The following KIFAP3 variants were observed in gnomAD, a reference collection of about 807,000 sequenced individuals.
KIFAP3 encodes the protein kinesin-associated protein 3.
A neutral mutation model predicts 106.5 loss-of-function variants in KIFAP3; 68 were observed. That is an observed-to-expected ratio of 0.64 (90% CI 0.53 to 0.78). KIFAP3 has a LOEUF of 0.78. KIFAP3 is among the 30% of genes least tolerant of loss of function. The pLI is 0.00. For synonymous variants in KIFAP3, 320 were observed against 311.5 expected (o/e 1.03, Z -0.29); for missense variants, 780 against 941.8 (o/e 0.83, Z 2.25).
intron 1 of KIFAP3, among the ~76,000 whole-genome samples, chr1:170,055,704 A>C (rs1670813024): frequency 2.0e-5 from 3 of 152,208 alleles, no homozygotes; most frequent in African/African-American, 4.8e-5. Flanking sequence ...AAGAAAAAAA[A>C]TACATTTACC....
chr1:169,978,521 G>T (rs1242325396), intron 15 of KIFAP3, among the ~76,000 whole-genome samples: 1 of 151,706 alleles, frequency 6.6e-6, no homozygotes, highest in Non-Finnish European at 1.5e-5. Context: ...ATCATAAAAA[G>T]GTATTTCCTT....
At chr1:169,947,763 A>G (rs1558186803) in intron 19 of KIFAP3, among the ~76,000 whole-genome samples, 1 of 151,848 alleles carries the variant, frequency 6.6e-6, no homozygotes, top group Non-Finnish European at 1.5e-5. Flanking sequence ...ATGCTATCAA[A>G]ACATCATATA....
upstream of KIFAP3, among the ~76,000 whole-genome samples, chr1:170,078,385 T>G (rs898103818): frequency 6.6e-6 from 1 of 152,204 alleles, no homozygotes; most frequent in Non-Finnish European, 1.5e-5. Flanking sequence ...TTGTCCATTT[T>G]TAATTTATAT....
rs1054136529 is a variant in KIFAP3, at chr1:169,931,461, G to A, written c.2274-9680C>T. Among the ~76,000 whole-genome samples the A allele has an allele frequency of 4.6e-5, 7 of 152,206 alleles. No homozygotes were observed. The East Asian group carries it at 1.3e-3, about 29-fold the overall frequency. ...TGAATATTTACTCAAACCTATAAAG[G>A]TCTTTGGCTTTTTCTGGCAATATTT... On this transcript the variant is annotated intron_variant, in intron 19 of 19. Coordinates refer to ENST00000361580, the MANE Select transcript of KIFAP3 (RefSeq NM_014970.4).
In KIFAP3 at chr1:170,046,815, C is replaced by T; in HGVS notation, c.216G>A (p.Arg72=). ...NANTDITSLA[R]KVVEECKLIH... is the part of the protein sequence containing the mutation. ...TGAGTTTACATTCTTCAACCACCTT[C>T]CTTGCCAGGGAAGTTATATCTGTGT... Residue 72 remains arginine (R), a synonymous_variant, in exon 3 of 20, where the codon AGG becomes AGA. Coordinates refer to ENST00000361580, the MANE Select transcript of KIFAP3 (RefSeq NM_014970.4). 6.2e-7 allele frequency: 1 copy of T among 1,610,792 alleles called. No homozygotes were observed.
At chr1:170,036,079 A>T (rs1233322808) in intron 5 of KIFAP3, among the ~76,000 whole-genome samples, 1 of 152,090 alleles carries the variant, frequency 6.6e-6, no homozygotes, top group Non-Finnish European at 1.5e-5. Context: ...CACTGAATTT[A>T]TGCTAGTAGC....
Position 169,978,230 on chromosome 1 carries a change from C to T in KIFAP3, c.1799-47G>A, listed in dbSNP as rs749255673. ...AAATAAAGAATACTATGTTTATATACCAAATTTAAAATAATTGAGGGGAAT... is the reference window on the plus strand; with the variant it reads ...AAATAAAGAATACTATGTTTATATATCAAATTTAAAATAATTGAGGGGAAT... On this transcript the variant is annotated intron_variant, in intron 15 of 19. Transcript: ENST00000361580. 2.5e-6 allele frequency: 3 copies of T among 1,222,252 alleles called. No homozygotes were observed. The South Asian group carries it at 3.8e-5, about 15-fold the overall frequency. 75.7% of individuals were successfully genotyped at this position (1,222,252 alleles called of 1,614,324 possible). A position where few individuals can be genotyped will look rare whatever the true frequency, so the allele number is the denominator to read the frequency against.
At chr1:169,973,936 T>A (rs1666080831) in intron 16 of KIFAP3, among the ~76,000 whole-genome samples, 1 of 151,862 alleles carries the variant, frequency 6.6e-6, no homozygotes, top group Non-Finnish European at 1.5e-5. Flanking sequence ...GCACTGTTAT[T>A]TAAAAACCAA....
intron 17 of KIFAP3, among the ~76,000 whole-genome samples, chr1:169,965,987 A>G (rs909019492): frequency 6.6e-6 from 1 of 151,888 alleles, no homozygotes; most frequent in Non-Finnish European, 1.5e-5. Flanking sequence ...TCTCTCTTTT[A>G]TCAGTTTTTT....
At chr1:170,010,868 T>TA (rs1257732404) in intron 10 of KIFAP3, among the ~76,000 whole-genome samples, 1 of 152,040 alleles carries the variant, frequency 6.6e-6, no homozygotes, top group African/African-American at 2.4e-5. Context: ...AAAAATCACT[T>TA]ATGCTAAGTT....
intron 10 of KIFAP3, among the ~76,000 whole-genome samples, chr1:170,001,616 G>A (rs1421956969): frequency 1.3e-5 from 2 of 152,076 alleles, no homozygotes; most frequent in Non-Finnish European, 2.9e-5. Context: ...TTAAAATTGA[G>A]AAACAGTGTA....
chr1:169,946,175 T>G (rs1664430174), intron 19 of KIFAP3, among the ~76,000 whole-genome samples: 1 of 152,210 alleles, frequency 6.6e-6, no homozygotes. Context: ...GCATTTACCC[T>G]TCTAGACTGA....
At chr1:169,998,379 CAGATATAT>C (rs1162246026) in intron 10 of KIFAP3, among the ~76,000 whole-genome samples, 2 of 24,680 alleles carry the variant, frequency 8.1e-5, no homozygotes, top group African/African-American at 3.3e-4. Context: ...AGTGCTTCAC[CAGATATAT>C]ATATATATAT....
At chr1:170,037,485 T>C (rs989653172) in intron 5 of KIFAP3, among the ~76,000 whole-genome samples, 3 of 151,950 alleles carry the variant, frequency 2.0e-5, no homozygotes, top group Non-Finnish European at 4.4e-5. Flanking sequence ...ATCCTAGCAC[T>C]TTGGGAGGCT....
intron 17 of KIFAP3, among the ~76,000 whole-genome samples, chr1:169,968,599 T>TAAAA (rs1438220642): frequency 1.3e-5 from 2 of 151,906 alleles, no homozygotes; most frequent in African/African-American, 2.4e-5. Context: ...TTTTATATCT[T>TAAAA]AAAAAATATT....
chr1:169,959,824 T>C (rs1373517493), intron 18 of KIFAP3, among the ~76,000 whole-genome samples: 1 of 152,102 alleles, frequency 6.6e-6, no homozygotes, highest in African/African-American at 2.4e-5. Flanking sequence ...TCATGAATAC[T>C]GAATATGTAA....
At chr1:169,933,542 A>G (rs1303181451) in intron 19 of KIFAP3, among the ~76,000 whole-genome samples, 3 of 152,084 alleles carry the variant, frequency 2.0e-5, no homozygotes, top group African/African-American at 7.2e-5. Flanking sequence ...ATCATCTTCA[A>G]AGAATAGGGC....
chr1:170,001,364 T>C (rs563241833), intron 10 of KIFAP3, among the ~76,000 whole-genome samples: 1 of 152,254 alleles, frequency 6.6e-6, no homozygotes. Context: ...CACACAGTAT[T>C]GGAACCAGCT....
chr1:170,046,003 A>G (rs2102084064), intron 3 of KIFAP3, among the ~76,000 whole-genome samples: 1 of 152,222 alleles, frequency 6.6e-6, no homozygotes, highest in East Asian at 1.9e-4. Context: ...ACCCTCATAG[A>G]GGAATGAAAT....
Sources: gnomAD v4.1 joint callset for allele counts (sites outside exome capture counted in the v4.1 genomes callset) on GRCh38, gnomAD v4.1.1 for gene constraint, MANE v1.5 for transcripts, NCBI Gene and HGNC (gene_info 2026-07-23, HGNC 2026-07-21) for gene names.